Variants in IDE observed in about 807,000 individuals in gnomAD.
IDE encodes insulin-degrading enzyme.
In IDE, 58 loss-of-function variants were observed where a neutral mutation model predicts 133.2. The ratio of observed to expected loss-of-function variants is 0.44; its 90% CI spans 0.35 to 0.54. The LOEUF is 0.54. Ranked by LOEUF, IDE falls within the 20% of genes least tolerant of loss-of-function variation. The probability of loss-of-function intolerance (pLI) is 0.00; values close to 1 mark genes in which losing one functional copy is unlikely to be tolerated. For synonymous variants in IDE, 396 were observed against 421.3 expected (o/e 0.94, Z 0.73); for missense variants, 981 against 1,234.0 (o/e 0.79, Z 3.07).
At chr10:92,501,539 G>A (rs111727029) in intron 11 of IDE, among the ~76,000 whole-genome samples, 5,147 of 150,708 alleles carry the variant, frequency 0.034, 135 homozygotes, top group Admixed American at 0.059. Context: ...GCATGGTGGC[G>A]CGTGCCTGTG....
At chr10:92,455,102 G>A (rs1177050732) in intron 24 of IDE, among the ~76,000 whole-genome samples, 1 of 152,058 alleles carries the variant, frequency 6.6e-6, no homozygotes, top group Non-Finnish European at 1.5e-5. Context: ...GTGACTAGAT[G>A]TTCAGGGAAG....
At chr10:92,557,056 A>T (rs1843046801) in intron 1 of IDE, among the ~76,000 whole-genome samples, 1 of 152,228 alleles carries the variant, frequency 6.6e-6, no homozygotes. Flanking sequence ...CAAATAGATT[A>T]AAATCCCACC....
intron 15 of IDE, 81 bp downstream of exon 15, chr10:92,479,196 C>A: frequency 1.1e-6 from 1 of 945,862 alleles, no homozygotes; most frequent in Admixed American, 2.5e-5. Context: ...ATTAAACTCA[C>A]ACCCTCAATC....
chr10:92,510,450 C>T (rs1387389743), intron 5 of IDE, among the ~76,000 whole-genome samples: 1 of 152,094 alleles, frequency 6.6e-6, no homozygotes, highest in Non-Finnish European at 1.5e-5. Flanking sequence ...TACTGAACTA[C>T]TAGCAGATAG....
intron 1 of IDE, among the ~76,000 whole-genome samples, chr10:92,565,986 A>C (rs2135831461): frequency 6.8e-6 from 1 of 147,596 alleles, no homozygotes; most frequent in East Asian, 2.0e-4. Flanking sequence ...TTGAGCTTCA[A>C]TATCCTTATC....
chr10:92,503,783 A>G (rs1483682026), intron 11 of IDE, among the ~76,000 whole-genome samples: 1 of 150,164 alleles, frequency 6.7e-6, no homozygotes, highest in East Asian at 2.0e-4. Context: ...CAATGCCATG[A>G]TCTCGGCTCA....
chr10:92,537,289 G>T, intron 2 of IDE, 77 bp downstream of exon 2: 1 of 1,138,974 alleles, frequency 8.8e-7, no homozygotes, highest in Non-Finnish European at 1.3e-6. Flanking sequence ...ATTTAAACAC[G>T]TATGGAAAGT....
intron 4 of IDE, among the ~76,000 whole-genome samples, chr10:92,522,545 G>T (rs1849285082): frequency 6.6e-6 from 1 of 152,034 alleles, no homozygotes; most frequent in African/African-American, 2.4e-5. Flanking sequence ...TTTTCCCCTT[G>T]AATGGCTCTT....
In IDE at chr10:92,565,890, C is replaced by G. The variant is rs148042161; in HGVS notation, c.98+8032G>C. Among the ~76,000 whole-genome samples, 455 of 152,238 alleles carry G rather than the reference C, an allele frequency of 3.0e-3. 6 individuals carry two copies. The highest frequency in any genetic ancestry group is 0.011 in the African/African-American group (443 of 41,540). On this transcript the variant is annotated intron_variant, in intron 1 of 24. Coordinates refer to ENST00000265986, the MANE Select transcript of IDE (RefSeq NM_004969.4). ...AGGAAGAAGACAATATAATGGCCAA[C>G]CCCTGAGGTTCTTGAGTGAGCCCAG...
chr10:92,550,809 G>A (rs1842745365), intron 1 of IDE, among the ~76,000 whole-genome samples: 1 of 152,194 alleles, frequency 6.6e-6, no homozygotes, highest in Admixed American at 6.5e-5. Flanking sequence ...GGCAGAGCTT[G>A]CAGTGAGCCG....
At chr10:92,534,196 G>GT (rs1850108746) in intron 3 of IDE, among the ~76,000 whole-genome samples, 1 of 152,190 alleles carries the variant, frequency 6.6e-6, no homozygotes. Flanking sequence ...AAAACGTTCT[G>GT]TATCTACTAA....
At chr10:92,487,634 T>C (rs1847085950) in intron 12 of IDE, among the ~76,000 whole-genome samples, 2 of 152,216 alleles carry the variant, frequency 1.3e-5, no homozygotes, top group Non-Finnish European at 2.9e-5. Flanking sequence ...ATCATGTTTA[T>C]TCTAGCTCTT....
At chr10:92,486,045 A>T (rs1221383177) in intron 13 of IDE, among the ~76,000 whole-genome samples, 1 of 152,172 alleles carries the variant, frequency 6.6e-6, no homozygotes, top group Non-Finnish European at 1.5e-5. Context: ...ACTCTTTAAA[A>T]TGTCATTTTT....
At chr10:92,528,798 C>T (rs1261460739) in intron 4 of IDE, among the ~76,000 whole-genome samples, 3 of 152,062 alleles carry the variant, frequency 2.0e-5, no homozygotes, top group African/African-American at 4.8e-5. Flanking sequence ...TTGATGAGAC[C>T]AGGCGTGATG....
At chr10:92,573,830 G>T (rs1843920059) in intron 1 of IDE, 92 bp downstream of exon 1, 2 of 881,410 alleles carry the variant, frequency 2.3e-6, no homozygotes, top group Non-Finnish European at 3.2e-6. Flanking sequence ...CAGCGGTGGC[G>T]GCTTTAAGTG....
At chr10:92,514,708 T>C (rs1371564316) in intron 5 of IDE, among the ~76,000 whole-genome samples, 2 of 152,012 alleles carry the variant, frequency 1.3e-5, no homozygotes, top group Admixed American at 6.6e-5. Flanking sequence ...TAATTTGTAT[T>C]TTTTTTCAGA....
At chr10:92,498,352 G>C (rs1431124066) in intron 11 of IDE, among the ~76,000 whole-genome samples, 2 of 150,664 alleles carry the variant, frequency 1.3e-5, no homozygotes, top group African/African-American at 4.9e-5. Context: ...GCCGGGTATG[G>C]GGGCTCACAC....
intron 16 of IDE, among the ~76,000 whole-genome samples, chr10:92,475,237 T>A (rs1396992450): frequency 6.6e-6 from 1 of 152,152 alleles, no homozygotes; most frequent in Non-Finnish European, 1.5e-5. Context: ...CCTCAGAAAG[T>A]TATCCCTAGT....
At chr10:92,486,640 T>C (rs976248297) in intron 13 of IDE, among the ~76,000 whole-genome samples, 2 of 152,200 alleles carry the variant, frequency 1.3e-5, no homozygotes, top group African/African-American at 4.8e-5. Flanking sequence ...TTACATACTT[T>C]ACTCAAGTTC....
Sources: gnomAD v4.1 joint callset for allele counts (sites outside exome capture counted in the v4.1 genomes callset) on GRCh38, gnomAD v4.1.1 for gene constraint, MANE v1.5 for transcripts, NCBI Gene and HGNC (gene_info 2026-07-23, HGNC 2026-07-21) for gene names.